Variants in ZCCHC24 observed in about 807,000 individuals in gnomAD.
ZCCHC24 encodes zinc finger CCHC-type containing 24, also known as zinc finger CCHC domain-containing protein 24.
ZCCHC24 carries 10 observed loss-of-function variants against 26.2 expected under a neutral mutation model. The ratio of observed to expected loss-of-function variants is 0.38; its 90% confidence interval spans 0.24 to 0.65. The LOEUF is 0.65. Ranked by LOEUF, ZCCHC24 falls within the 30% of genes least tolerant of loss-of-function variation. ZCCHC24 has a pLI of 0.54. For missense variants in ZCCHC24, 243 were observed against 329.1 expected (o/e 0.74, Z 2.03); for synonymous variants, 144 against 147.1 (o/e 0.98, Z 0.15).
At chr10:79,410,542 C>T (rs1365342083) in intron 2 of ZCCHC24, among the ~76,000 whole-genome samples, 1 of 152,196 alleles carries the variant, frequency 6.6e-6, no homozygotes, top group African/African-American at 2.4e-5. Flanking sequence ...GGGGCTGGAG[C>T]AGCCTGTGCA....
At chr10:79,432,520 G>C in intron 2 of ZCCHC24, 38 bp downstream of exon 2, 1 of 1,580,574 alleles carries the variant, frequency 6.3e-7, no homozygotes, top group Non-Finnish European at 8.6e-7. Context: ...GGTCAGTAGG[G>C]GAGCCCAAGA....
At chr10:79,432,457 A>C in intron 2 of ZCCHC24, 101 bp downstream of exon 2, 65 of 1,202,684 alleles carry the variant, frequency 5.4e-5, no homozygotes, top group Non-Finnish European at 6.5e-5. Flanking sequence ...CATTGGTGGA[A>C]GGGGCCCTGG....
At chr10:79,392,259 G>T (rs1233562313) in intron 3 of ZCCHC24, among the ~76,000 whole-genome samples, 8 of 152,182 alleles carry the variant, frequency 5.3e-5, no homozygotes, top group African/African-American at 1.9e-4. Context: ...GAACTAGGCT[G>T]ATGCCTGCCA....
chr10:79,444,322 G>C, intron 1 of ZCCHC24: 1 of 1,341,458 alleles, frequency 7.5e-7, no homozygotes, highest in Non-Finnish European at 9.6e-7. Flanking sequence ...TCTTCAAAAA[G>C]GGCTGGGAGG....
Position 79,384,829 on chromosome 10 carries a change from T to TC in ZCCHC24, c.*1515dup, listed in dbSNP as rs397728067. ...ATTTCTTGGTCTGATTTTTTTTTTT[T>TC]CCCACAGAGGCATAATGTAGGGGCA... On this transcript the variant is annotated 3_prime_UTR_variant, in exon 4 of 4. Coordinates refer to ENST00000372336, the MANE Select transcript of ZCCHC24 (RefSeq NM_153367.4). 9.6e-4 allele frequency: 146 copies of TC among 151,982 alleles called. No individual in the cohort carries two copies. The highest frequency in any genetic ancestry group is 3.2e-3 in the African/African-American group (133 of 41,238). 9.4% of individuals were successfully genotyped at this position (151,982 alleles called of 1,614,324 possible).
chr10:79,429,580 C>CA, intron 2 of ZCCHC24, among the ~76,000 whole-genome samples: 1 of 151,228 alleles, frequency 6.6e-6, no homozygotes, highest in Non-Finnish European at 1.5e-5. Context: ...GACTCTGTCT[C>CA]AAAAAAATAA....
At chr10:79,444,402 C>G (rs114651356) in intron 1 of ZCCHC24, among the ~76,000 whole-genome samples, 2,814 of 152,308 alleles carry the variant, frequency 0.018, 92 homozygotes, top group African/African-American at 0.065. Flanking sequence ...ACTGAATCCA[C>G]CAAACAGGCA....
At chr10:79,403,126 G>A (rs1213028647) in intron 2 of ZCCHC24, among the ~76,000 whole-genome samples, 1 of 152,204 alleles carries the variant, frequency 6.6e-6, no homozygotes, top group Non-Finnish European at 1.5e-5. Flanking sequence ...CATACTCCTG[G>A]GCTCAAGCCC....
At chr10:79,416,574 C>G (rs910557501) in intron 2 of ZCCHC24, among the ~76,000 whole-genome samples, 4 of 152,214 alleles carry the variant, frequency 2.6e-5, no homozygotes, top group Non-Finnish European at 5.9e-5. Flanking sequence ...AATCCCTTGA[C>G]GTCTCTGAAG....
At chr10:79,398,003 C>T (rs1856570124) in intron 2 of ZCCHC24, among the ~76,000 whole-genome samples, 1 of 152,206 alleles carries the variant, frequency 6.6e-6, no homozygotes, top group African/African-American at 2.4e-5. Context: ...GAGGGGTGAG[C>T]CAGGAAGCAC....
chr10:79,440,926 G>T lies in ZCCHC24; in HGVS notation c.246+4269C>A, dbSNP rs143707235. On this transcript the variant is annotated intron_variant, in intron 1 of 3. Coordinates refer to ENST00000372336, the MANE Select transcript of ZCCHC24 (RefSeq NM_153367.4). ...CGTAATCTGACAGAGGGAGGGTCAG[G>T]TTGCCTCAGCCAACAGCTTCTCAAA... Among the ~76,000 whole-genome samples, 938 of 152,228 alleles carry T rather than the reference G, an allele frequency of 6.2e-3. 4 individuals are homozygous for T. Among genetic ancestry groups the T allele is most frequent in the Non-Finnish European group, 0.011 (737 of 68,004 alleles).
At chr10:79,419,518 G>A (rs988639777) in intron 2 of ZCCHC24, among the ~76,000 whole-genome samples, 1 of 152,226 alleles carries the variant, frequency 6.6e-6, no homozygotes, top group South Asian at 2.1e-4. Flanking sequence ...CTTCCCCGGA[G>A]TCTTCACAGC....
chr10:79,401,495 C>G (rs1856631917), intron 2 of ZCCHC24, among the ~76,000 whole-genome samples: 1 of 152,234 alleles, frequency 6.6e-6, no homozygotes, highest in South Asian at 2.1e-4. Flanking sequence ...GCCCAAGCCA[C>G]CTAACGTGGG....
intron 3 of ZCCHC24, among the ~76,000 whole-genome samples, chr10:79,389,771 C>G (rs1451316364): frequency 6.6e-6 from 1 of 151,882 alleles, no homozygotes; most frequent in African/African-American, 2.4e-5. Context: ...GCACACACCA[C>G]CATCCATCTA....
At chr10:79,392,629 C>T (rs143671855) in intron 3 of ZCCHC24, among the ~76,000 whole-genome samples, 12 of 152,312 alleles carry the variant, frequency 7.9e-5, no homozygotes, top group South Asian at 4.1e-4. Context: ...TTCCCAGTTG[C>T]GGCCACTGCT....
intron 1 of ZCCHC24, among the ~76,000 whole-genome samples, chr10:79,440,550 G>A (rs1288792298): frequency 6.6e-6 from 1 of 152,176 alleles, no homozygotes; most frequent in Non-Finnish European, 1.5e-5. Context: ...CAAATCTGGG[G>A]ACCAATTGCA....
intron 2 of ZCCHC24, among the ~76,000 whole-genome samples, chr10:79,410,941 CG>C (rs1564635462): frequency 1.3e-5 from 2 of 152,032 alleles, no homozygotes; most frequent in Non-Finnish European, 2.9e-5. Flanking sequence ...CAATCAGCTG[CG>C]GGGCTGTGGG....
rs1179289911 is a variant in ZCCHC24 at position 79,382,905 on chromosome 10, G to A, written c.*3440C>T. 6.6e-6 allele frequency: 1 copy of A among 152,568 alleles called. No individual in the cohort carries two copies. The highest frequency in any genetic ancestry group is 1.5e-5 in the Non-Finnish European group (1 of 68,038). 9.5% of individuals were successfully genotyped at this position (152,568 alleles called of 1,614,324 possible). Reference sequence around the variant, plus strand: ...CCTCCTGGGGCCCTGCTGATTGAGAGCCCTCCCACCAAGCCAAGACGCTGG... The same window carrying A: ...CCTCCTGGGGCCCTGCTGATTGAGAACCCTCCCACCAAGCCAAGACGCTGG... On this transcript the variant is annotated 3_prime_UTR_variant, in exon 4 of 4. Transcript: ENST00000372336.
At chr10:79,413,467 C>T (rs1343261441) in intron 2 of ZCCHC24, among the ~76,000 whole-genome samples, 1 of 152,216 alleles carries the variant, frequency 6.6e-6, no homozygotes, top group Non-Finnish European at 1.5e-5. Context: ...CATGCGGGGG[C>T]AGGGGGAGCC....
Sources: gnomAD v4.1 joint callset for allele counts (sites outside exome capture counted in the v4.1 genomes callset) on GRCh38, gnomAD v4.1.1 for gene constraint, MANE v1.5 for transcripts, NCBI Gene and HGNC (gene_info 2026-07-23, HGNC 2026-07-21) for gene names.